The following RALGAPA2 variants were observed in gnomAD, a reference collection of about 807,000 sequenced individuals.
RALGAPA2 encodes Ral GTPase activating protein catalytic subunit alpha 2.
A neutral mutation model predicts 230.4 loss-of-function variants in RALGAPA2; 139 were observed. The ratio of observed to expected loss-of-function variants is 0.60; its 90% CI spans 0.53 to 0.69. The LOEUF (loss-of-function observed/expected upper bound fraction) is 0.69, where lower values mean the gene tolerates loss of function less well. RALGAPA2 is among the 30% of genes least tolerant of loss of function. The probability of loss-of-function intolerance (pLI) is 0.00; values close to 1 mark genes in which losing one functional copy is unlikely to be tolerated. For missense variants in RALGAPA2, 2,163 were observed against 2,276.0 expected, an observed-to-expected ratio of 0.95 and a Z score of 1.01; for synonymous variants, 847 against 837.8, an observed-to-expected ratio of 1.01 and a Z score of -0.19.
rs770689794 is a variant in RALGAPA2 at position 20,512,821 on chromosome 20, C to T, written c.4548G>A (p.Gly1516=). The change falls in exon 32 of 40, where the codon GGG becomes GGA. Residue 1516 remains glycine (G), a synonymous_variant. Transcript: ENST00000202677. ...PQKDSSQVEE[G]DDVLDKLLEN... is the part of the protein sequence containing the mutation. ...CAAGTAATTTGTCAAGAACATCATC[C>T]CCCTCCTCAACTTGAGAAGAGTCTT... The T allele has an allele frequency of 1.2e-6, 2 of 1,613,598 alleles. No homozygotes were observed. Among genetic ancestry groups the T allele is most frequent in the Non-Finnish European group, 1.7e-6 (2 of 1,179,536 alleles).
chr20:20,491,902 G>A (rs1039065871), intron 36 of RALGAPA2, among the ~76,000 whole-genome samples: 1 of 151,976 alleles, frequency 6.6e-6, no homozygotes, highest in Non-Finnish European at 1.5e-5. Flanking sequence ...TCAGATGAGA[G>A]GGTTTTATGC....
At chr20:20,527,378 T>C (rs1602657715) in intron 27 of RALGAPA2, among the ~76,000 whole-genome samples, 1 of 152,208 alleles carries the variant, frequency 6.6e-6, no homozygotes, top group East Asian at 1.9e-4. Flanking sequence ...CAGCCTTCTC[T>C]GGCCACAGAG....
chr20:20,558,171 AT>A, intron 23 of RALGAPA2, among the ~76,000 whole-genome samples: 1 of 152,064 alleles, frequency 6.6e-6, no homozygotes, highest in East Asian at 1.9e-4. Context: ...CGCCCGGCTA[AT>A]TTTCTGTATT....
rs2062169094 is a variant in RALGAPA2 at position 20,495,167 on chromosome 20, A to G, written c.5317T>C (p.Tyr1773His). 1.2e-6 allele frequency: 2 copies of G among 1,611,702 alleles called. No individual in the cohort carries two copies. The highest frequency in any genetic ancestry group is 8.5e-7 in the Non-Finnish European group (1 of 1,178,240). Reference sequence around the variant, plus strand: ...AAGAACATGTGATTCTTCATTGGGTAAATAATGATTGAAACATCTCCAAAG... The same window carrying G: ...AAGAACATGTGATTCTTCATTGGGTGAATAATGATTGAAACATCTCCAAAG... ...TAFGDVSIII[Y>H]PMKNHMFFIA... The change falls in exon 36 of 40, where the codon TAC (tyrosine) becomes CAC (histidine). Residue 1773 changes from tyrosine to histidine, a missense_variant. Tyr to His is a moderately conservative substitution (Grantham distance 83). Coordinates refer to ENST00000202677, the MANE Select transcript of RALGAPA2 (RefSeq NM_020343.4).
chr20:20,680,819 C>T lies in RALGAPA2; in HGVS notation c.107-18G>A, dbSNP rs200431156. 3,567 of 1,543,804 alleles carry T rather than the reference C, an allele frequency of 2.3e-3. 21 individuals carry two copies. The highest frequency in any genetic ancestry group is 7.6e-3 in the South Asian group (606 of 79,274). ...CACATTATCTGAAAAGAAAAAGTTT[C>T]CATTTATGACAATTCACTTTATAAA... On this transcript the variant is annotated intron_variant, in intron 1 of 39. Coordinates refer to ENST00000202677, the MANE Select transcript of RALGAPA2 (RefSeq NM_020343.4).
chr20:20,659,490 A>G (rs535027410), intron 3 of RALGAPA2, among the ~76,000 whole-genome samples: 1 of 152,342 alleles, frequency 6.6e-6, no homozygotes, highest in African/African-American at 2.4e-5. Flanking sequence ...CTTCTTCAAT[A>G]TATCCTACAC....
At chr20:20,528,599 T>C (rs1249596287) in intron 27 of RALGAPA2, among the ~76,000 whole-genome samples, 1 of 151,356 alleles carries the variant, frequency 6.6e-6, no homozygotes, top group Non-Finnish European at 1.5e-5. Flanking sequence ...TTCACAAGAG[T>C]TGGTGAGTAT....
intron 18 of RALGAPA2, among the ~76,000 whole-genome samples, chr20:20,585,624 G>A (rs2065111688): frequency 6.6e-6 from 1 of 152,202 alleles, no homozygotes; most frequent in Non-Finnish European, 1.5e-5. Context: ...CAGCTTTATA[G>A]GAGAGCTGTT....
intron 30 of RALGAPA2, among the ~76,000 whole-genome samples, chr20:20,522,401 T>C (rs2063071301): frequency 6.6e-6 from 1 of 152,186 alleles, no homozygotes; most frequent in African/African-American, 2.4e-5. Flanking sequence ...CTGCAAATAT[T>C]CACAACGGTT....
At position 20,583,190 on chromosome 20, in the gene RALGAPA2, G is replaced by A; in HGVS notation, c.2567C>T (p.Thr856Ile). ...GCCCATGGACAGCTCTGCCTCATTG[G>A]TACAGCCCAGAGTTGTGTCACTGTT... ...STNSDTTLGC[T>I]NEAELSMGPW... Residue 856 changes from threonine (T) to isoleucine (I), a missense_variant, in exon 20 of 40, where the codon ACC (threonine) becomes ATC (isoleucine). Transcript: ENST00000202677. The A allele has an allele frequency of 9.9e-6, 16 of 1,613,504 alleles. No individual in the cohort carries two copies. Among genetic ancestry groups the A allele is most frequent in the Non-Finnish European group, 1.4e-5 (16 of 1,179,632 alleles).
intron 1 of RALGAPA2, among the ~76,000 whole-genome samples, chr20:20,711,688 A>T (rs1202977666): frequency 2.6e-5 from 4 of 152,096 alleles, no homozygotes; most frequent in Admixed American, 6.6e-5. Flanking sequence ...GTAATAAAGG[A>T]GAAGCAGCCT....
intron 4 of RALGAPA2, among the ~76,000 whole-genome samples, chr20:20,646,520 G>A (rs1223931324): frequency 1.3e-5 from 2 of 152,144 alleles, no homozygotes; most frequent in Non-Finnish European, 2.9e-5. Context: ...ATAACTGAAA[G>A]AATAAGTAAA....
At position 20,527,598 on chromosome 20, in the gene RALGAPA2, C is replaced by A. The variant is rs902456120; in HGVS notation, c.3583-1236G>T. On this transcript the variant is annotated intron_variant, in intron 27 of 39. Coordinates refer to ENST00000202677, the MANE Select transcript of RALGAPA2 (RefSeq NM_020343.4). Reference sequence around the variant, plus strand: ...CTCCCTGAGGCCACCACACCGCCCTCCCCCCACACCCCCAAGAGCTGGGTG... The same window carrying A: ...CTCCCTGAGGCCACCACACCGCCCTACCCCCACACCCCCAAGAGCTGGGTG... Among the ~76,000 whole-genome samples the A allele has an allele frequency of 1.5e-4, 23 of 151,352 alleles. 1 individual carries two copies. Among genetic ancestry groups the A allele is most frequent in the Admixed American group, 9.8e-4 (15 of 15,240 alleles).
chr20:20,700,117 T>G (rs1603254591), intron 1 of RALGAPA2, among the ~76,000 whole-genome samples: 1 of 152,110 alleles, frequency 6.6e-6, no homozygotes, highest in African/African-American at 2.4e-5. Flanking sequence ...CATGGAATAC[T>G]ACACAGCCAT....
chr20:20,693,600 GTT>G (rs1449033055), intron 1 of RALGAPA2, among the ~76,000 whole-genome samples: 3 of 152,168 alleles, frequency 2.0e-5, no homozygotes, highest in Non-Finnish European at 4.4e-5. Flanking sequence ...TGAGGAGAGT[GTT>G]TACAGCTGTC....
At chr20:20,532,605 A>G (rs1175595195) in intron 26 of RALGAPA2, among the ~76,000 whole-genome samples, 1 of 152,226 alleles carries the variant, frequency 6.6e-6, no homozygotes, top group Middle Eastern at 3.2e-3. Flanking sequence ...GTGTTAAAAC[A>G]TTCAAGTTGA....
At chr20:20,588,870 T>C (rs996055670) in intron 18 of RALGAPA2, among the ~76,000 whole-genome samples, 5 of 152,102 alleles carry the variant, frequency 3.3e-5, no homozygotes, top group Non-Finnish European at 7.4e-5. Context: ...ATGTTTTTTG[T>C]TTTTTGTTTT....
chr20:20,418,604 A>C (rs1189087538), intron 37 of RALGAPA2, among the ~76,000 whole-genome samples: 2 of 152,238 alleles, frequency 1.3e-5, no homozygotes, highest in African/African-American at 4.8e-5. Flanking sequence ...GCAGTCACAC[A>C]ATGGGATATT....
intron 37 of RALGAPA2, among the ~76,000 whole-genome samples, chr20:20,452,384 G>A (rs952477884): frequency 6.6e-6 from 1 of 152,204 alleles, no homozygotes; most frequent in Admixed American, 6.5e-5. Context: ...ATGAGTCATC[G>A]TGCATTAGCT....
Sources: gnomAD v4.1 joint callset for allele counts (sites outside exome capture counted in the v4.1 genomes callset) on GRCh38, gnomAD v4.1.1 for gene constraint, MANE v1.5 for transcripts, NCBI Gene and HGNC (gene_info 2026-07-23, HGNC 2026-07-21) for gene names.